The following MBOAT1 variants were observed in gnomAD, a reference collection of about 807,000 sequenced individuals.
MBOAT1 encodes the protein membrane bound glycerophospholipid O-acyltransferase 1.
A neutral mutation model predicts 64.4 loss-of-function variants in MBOAT1; 67 were observed. That is an observed-to-expected ratio of 1.04 (90% CI 0.85 to 1.27). The LOEUF is 1.27. MBOAT1 is among the 50% of genes most tolerant of loss of function. The pLI, the probability that MBOAT1 is intolerant of heterozygous loss-of-function variation, is 0.00. For missense variants in MBOAT1, 563 were observed against 604.6 expected, an observed-to-expected ratio of 0.93 and a Z score of 0.72; for synonymous variants, 229 against 218.9, an observed-to-expected ratio of 1.05 and a Z score of -0.41.
chr6:20,183,467 A>C (rs568566316), intron 1 of MBOAT1, among the ~76,000 whole-genome samples: 1 of 152,312 alleles, frequency 6.6e-6, no homozygotes, highest in Non-Finnish European at 1.5e-5. Context: ...TTATACTTTG[A>C]ATTTGCCAGG....
intron 1 of MBOAT1, among the ~76,000 whole-genome samples, chr6:20,194,123 C>A (rs1288536157): frequency 1.3e-5 from 2 of 150,834 alleles, no homozygotes; most frequent in Non-Finnish European, 1.5e-5. Context: ...ACCAGTGATC[C>A]AAAAAAAAAA....
intron 1 of MBOAT1, among the ~76,000 whole-genome samples, chr6:20,186,396 C>A (rs532957209): frequency 6.6e-6 from 1 of 152,348 alleles, no homozygotes; most frequent in Non-Finnish European, 1.5e-5. Flanking sequence ...ACAGCCCCAG[C>A]ACTTAAAAAC....
intron 9 of MBOAT1, among the ~76,000 whole-genome samples, chr6:20,116,097 C>T (rs1180275906): frequency 1.3e-5 from 2 of 152,072 alleles, no homozygotes; most frequent in Admixed American, 6.5e-5. Context: ...TTTGGGAAGC[C>T]GAGGCAGGCC....
intron 1 of MBOAT1, among the ~76,000 whole-genome samples, chr6:20,173,113 G>A (rs1024875158): frequency 1.3e-5 from 2 of 152,182 alleles, no homozygotes; most frequent in Non-Finnish European, 1.5e-5. Context: ...ATGATTATAA[G>A]TTCCCTGAGG....
intron 1 of MBOAT1, 133 bp downstream of exon 1, chr6:20,212,003 C>CACA (rs1554123720): frequency 1.4e-6 from 1 of 722,448 alleles, no homozygotes; most frequent in Admixed American, 2.6e-5. Context: ...CACACACACA[C>CACA]AAAAACCAAC....
At chr6:20,142,776 T>C (rs898492036) in intron 4 of MBOAT1, among the ~76,000 whole-genome samples, 3 of 152,184 alleles carry the variant, frequency 2.0e-5, no homozygotes, top group Non-Finnish European at 4.4e-5. Context: ...ACAAAGTCTT[T>C]GAATTTCTTC....
In MBOAT1 at chr6:20,109,731, G is replaced by A. The variant is rs779285203; in HGVS notation, c.1228C>T (p.His410Tyr). ...AARAVRNNYR[H>Y]YFLSSRALKA... ...AGAGCTCTTGAAGAAAGGAAGTAAT[G>A]TCTGTAGTTGTTCCTGACCTGCAGG... is the stretch of plus-strand genomic sequence containing the variant. The change falls in exon 12 of 13, where the codon CAT (histidine) becomes TAT (tyrosine). Residue 410 changes from histidine (H) to tyrosine (Y), a missense_variant. Coordinates refer to ENST00000324607, the MANE Select transcript of MBOAT1 (RefSeq NM_001080480.3). 1 of 1,613,856 alleles carries A rather than the reference G, an allele frequency of 6.2e-7. No homozygotes were observed. Among genetic ancestry groups the A allele is most frequent in the South Asian group, 1.1e-5 (1 of 91,072 alleles).
At chr6:20,137,226 T>G (rs79434212) in intron 4 of MBOAT1, among the ~76,000 whole-genome samples, 6,789 of 152,052 alleles carry the variant, frequency 0.045, 221 homozygotes, top group Middle Eastern at 0.088. Flanking sequence ...TACATAAGAG[T>G]TCTCATTTCA....
intron 1 of MBOAT1, among the ~76,000 whole-genome samples, chr6:20,185,365 G>T (rs1014475267): frequency 6.6e-6 from 1 of 152,256 alleles, no homozygotes; most frequent in East Asian, 1.9e-4. Flanking sequence ...TTCTGTGGAG[G>T]TATTTTCAGA....
intron 4 of MBOAT1, among the ~76,000 whole-genome samples, chr6:20,137,216 T>C (rs1449922645): frequency 2.0e-5 from 3 of 152,204 alleles, no homozygotes; most frequent in Non-Finnish European, 2.9e-5. Context: ...CCACTAGCAG[T>C]ACATAAGAGT....
chr6:20,212,091 G>A (rs2113784567), intron 1 of MBOAT1, 45 bp downstream of exon 1: 1 of 1,577,138 alleles, frequency 6.3e-7, no homozygotes. Flanking sequence ...CCGTGCACGC[G>A]ATCGCTGGGG....
chr6:20,102,374 A>C lies in MBOAT1; in HGVS notation c.1400T>G (p.Ile467Arg), dbSNP rs766226275. The part of the protein sequence containing the change: ...YFYLHIISLL[I>R]ILFLPMKPQA... ...TGGTTTCATTGGCAGAAATAGTATT[A>C]TCAGGAGACTTATGATGTGCAAATA... Residue 467 changes from isoleucine to arginine, a missense_variant, in exon 13 of 13, where the codon ATA becomes AGA. Ile to Arg is a moderately conservative substitution (Grantham distance 97, BLOSUM62 -3). Coordinates refer to ENST00000324607, the MANE Select transcript of MBOAT1 (RefSeq NM_001080480.3). 1 of 1,612,618 alleles carries C rather than the reference A, an allele frequency of 6.2e-7. No individual in the cohort carries two copies. The highest frequency in any genetic ancestry group is 1.7e-5 in the Admixed American group (1 of 60,018).
chr6:20,180,130 T>G (rs1762469970), intron 1 of MBOAT1, among the ~76,000 whole-genome samples: 1 of 152,150 alleles, frequency 6.6e-6, no homozygotes, highest in Non-Finnish European at 1.5e-5. Flanking sequence ...TTTCCCTCCT[T>G]TTGGTGACCA....
At chr6:20,117,579 G>A (rs886507996) in intron 9 of MBOAT1, among the ~76,000 whole-genome samples, 3 of 152,202 alleles carry the variant, frequency 2.0e-5, no homozygotes, top group African/African-American at 7.2e-5. Flanking sequence ...GCCTCCTTCT[G>A]GCCTAGTTTC....
At chr6:20,173,754 G>A (rs112602854) in intron 1 of MBOAT1, among the ~76,000 whole-genome samples, 5,552 of 151,988 alleles carry the variant, frequency 0.037, 107 homozygotes, top group African/African-American at 0.046. Flanking sequence ...AGTTCGAGAC[G>A]AGCCTGGCAA....
intron 4 of MBOAT1, among the ~76,000 whole-genome samples, chr6:20,138,938 C>T (rs1298533515): frequency 6.6e-6 from 1 of 152,150 alleles, no homozygotes; most frequent in African/African-American, 2.4e-5. Context: ...CGGTGACTGA[C>T]GGCAACCCTT....
At chr6:20,201,181 A>G (rs969496949) in intron 1 of MBOAT1, among the ~76,000 whole-genome samples, 3 of 152,138 alleles carry the variant, frequency 2.0e-5, no homozygotes. Context: ...TTTGTGGAGG[A>G]GTTATAACTC....
chr6:20,179,364 G>A (rs1255261203), intron 1 of MBOAT1, among the ~76,000 whole-genome samples: 1 of 152,096 alleles, frequency 6.6e-6, no homozygotes, highest in Non-Finnish European at 1.5e-5. Flanking sequence ...GTGTCCATGT[G>A]TTCTCATCAT....
At chr6:20,178,168 T>C (rs1180157313) in intron 1 of MBOAT1, among the ~76,000 whole-genome samples, 2 of 152,212 alleles carry the variant, frequency 1.3e-5, no homozygotes, top group Non-Finnish European at 2.9e-5. Context: ...TGGCGTAAAC[T>C]TAAAAAATCT....
Sources: gnomAD v4.1 joint callset for allele counts (sites outside exome capture counted in the v4.1 genomes callset) on GRCh38, gnomAD v4.1.1 for gene constraint, MANE v1.5 for transcripts, NCBI Gene and HGNC (gene_info 2026-07-23, HGNC 2026-07-21) for gene names.